TMPRSS15: variants seen among roughly 807,000 people sequenced by gnomAD.
The protein encoded by TMPRSS15 is enteropeptidase.
Under a neutral mutation model 125.3 loss-of-function variants are expected in TMPRSS15, and 128 were observed. That is an observed-to-expected ratio of 1.02 (90% CI 0.89 to 1.18). The LOEUF (loss-of-function observed/expected upper bound fraction) is 1.18, where lower values mean the gene tolerates loss of function less well. Ranked by LOEUF, TMPRSS15 falls within the 50% of genes most tolerant of loss-of-function variation. The pLI, the probability that TMPRSS15 is intolerant of heterozygous loss-of-function variation, is 0.00. For synonymous variants in TMPRSS15, 446 were observed against 423.2 expected (o/e 1.05, Z -0.66); for missense variants, 1,283 against 1,212.7 (o/e 1.06, Z -0.86).
chr21:18,422,363 GT>G (rs1419391441), intron 1 of TMPRSS15, among the ~76,000 whole-genome samples: 1 of 151,074 alleles, frequency 6.6e-6, no homozygotes, highest in Admixed American at 6.6e-5. Context: ...ACCTTCTTAT[GT>G]TTATTTAAAA....
At chr21:18,324,999 T>C (rs2075274823) in intron 16 of TMPRSS15, among the ~76,000 whole-genome samples, 1 of 152,164 alleles carries the variant, frequency 6.6e-6, no homozygotes, top group Non-Finnish European at 1.5e-5. Context: ...CAATTCAAGA[T>C]GACATTTTCA....
At chr21:18,472,182 A>G (rs1160190907) in intron 1 of TMPRSS15, among the ~76,000 whole-genome samples, 1 of 152,122 alleles carries the variant, frequency 6.6e-6, no homozygotes, top group Non-Finnish European at 1.5e-5. Flanking sequence ...TACACCTTTA[A>G]GAAGGATTAC....
chr21:18,378,869 T>C (rs905249945), intron 5 of TMPRSS15, among the ~76,000 whole-genome samples: 1 of 152,092 alleles, frequency 6.6e-6, no homozygotes, highest in Admixed American at 6.6e-5. Flanking sequence ...GCTACTTTGG[T>C]TCTGCTTTGG....
intron 18 of TMPRSS15, among the ~76,000 whole-genome samples, chr21:18,300,644 C>T (rs749950945): frequency 6.6e-6 from 1 of 152,056 alleles, no homozygotes; most frequent in African/African-American, 2.4e-5. Flanking sequence ...CACACCTGGC[C>T]AGATACATTA....
intron 2 of TMPRSS15, 94 bp downstream of exon 2, chr21:18,398,105 T>A (rs983336497): frequency 1.2e-5 from 17 of 1,474,894 alleles, no homozygotes; most frequent in Non-Finnish European, 1.5e-5. Flanking sequence ...GCATATTACA[T>A]TTATTCTCTA....
chr21:18,311,558 A>T (rs557386215), intron 18 of TMPRSS15, among the ~76,000 whole-genome samples: 2 of 152,276 alleles, frequency 1.3e-5, no homozygotes, highest in South Asian at 4.1e-4. Flanking sequence ...CCCCTGTTAT[A>T]ATAGCTTTTA....
In TMPRSS15 at chr21:18,299,812, C is replaced by T. The variant is rs1393766965; in HGVS notation, c.2166-1983G>A. On this transcript the variant is annotated intron_variant, in intron 18 of 24. Coordinates refer to ENST00000284885, the MANE Select transcript of TMPRSS15 (RefSeq NM_002772.3). Reference sequence around the variant, plus strand: ...TCCAAAGGCAAATTCTCCACCCTCACTCGAGGCCGACTTAGCCAGTAGTCT... The same window carrying T: ...TCCAAAGGCAAATTCTCCACCCTCATTCGAGGCCGACTTAGCCAGTAGTCT... Among the ~76,000 whole-genome samples, 4 of 152,202 alleles carry T rather than the reference C, an allele frequency of 2.6e-5. 1 individual carries two copies. The highest frequency in any genetic ancestry group is 5.9e-5 in the Non-Finnish European group (4 of 68,022).
At chr21:18,270,865 G>C (rs138903221) in intron 24 of TMPRSS15, among the ~76,000 whole-genome samples, 10 of 152,178 alleles carry the variant, frequency 6.6e-5, no homozygotes, top group Non-Finnish European at 1.0e-4. Context: ...AAATTGACAA[G>C]TATTTTTCCT....
Position 18,291,120 on chromosome 21 carries a change from A to G in TMPRSS15, c.2486+3150T>C, listed in dbSNP as rs573321760. Reference sequence around the variant, plus strand: ...TGCATGAATCGCAGTAGGCAAAAGCATTGCAGCATCTTATTGTTGTCCTGA... The same window carrying G: ...TGCATGAATCGCAGTAGGCAAAAGCGTTGCAGCATCTTATTGTTGTCCTGA... On this transcript the variant is annotated intron_variant, in intron 21 of 24. Transcript: ENST00000284885. Among the ~76,000 whole-genome samples the G allele has an allele frequency of 1.1e-4, 17 of 152,346 alleles. No individual in the cohort carries two copies. In the East Asian group the frequency reaches 1.3e-3, roughly 12 times the overall value.
intron 19 of TMPRSS15, among the ~76,000 whole-genome samples, chr21:18,297,295 G>A (rs1360151948): frequency 3.3e-5 from 5 of 152,126 alleles, no homozygotes; most frequent in Non-Finnish European, 7.4e-5. Context: ...TATTTGCCAA[G>A]GAAGAGAAAA....
At chr21:18,281,531 C>G (rs1225883870) in intron 21 of TMPRSS15, among the ~76,000 whole-genome samples, 1 of 152,136 alleles carries the variant, frequency 6.6e-6, no homozygotes, top group Non-Finnish European at 1.5e-5. Context: ...AATGCTGACA[C>G]CTACTTCCCC....
At chr21:18,392,327 A>T (rs1051936240) in intron 3 of TMPRSS15, among the ~76,000 whole-genome samples, 1 of 152,182 alleles carries the variant, frequency 6.6e-6, no homozygotes, top group Non-Finnish European at 1.5e-5. Flanking sequence ...CTCCTGCCAG[A>T]TACCTTAAAT....
At chr21:18,426,263 A>T (rs2076202443) in intron 1 of TMPRSS15, among the ~76,000 whole-genome samples, 1 of 152,290 alleles carries the variant, frequency 6.6e-6, no homozygotes, top group African/African-American at 2.4e-5. Flanking sequence ...CTTTTTATGC[A>T]AAATACCAAG....
intron 16 of TMPRSS15, among the ~76,000 whole-genome samples, chr21:18,325,529 G>A (rs1401217940): frequency 6.6e-6 from 1 of 151,890 alleles, no homozygotes; most frequent in African/African-American, 2.4e-5. Flanking sequence ...TAGATAATAG[G>A]CCAGATGAAG....
chr21:18,467,238 C>T (rs1222972266), intron 1 of TMPRSS15, among the ~76,000 whole-genome samples: 1 of 152,032 alleles, frequency 6.6e-6, no homozygotes, highest in Non-Finnish European at 1.5e-5. Context: ...AGGGGAACAT[C>T]ACACGCCAGG....
chr21:18,281,211 C>A lies in TMPRSS15; in HGVS notation c.2497G>T (p.Glu833Ter). ...AGGATTGCTGTCCACTTGGATGGCT[C>A]TAAGTTTCTCCTGAAAATTGTAATG... ...AAHCVYGRNLEPSKWTAILGL... is the reference protein window; with the variant it reads ...AAHCVYGRNL The change falls in exon 22 of 25, where the codon GAG (glutamate) becomes TAG (stop). Residue 833 changes from glutamate (E) to a stop codon, truncating the protein, a stop_gained. Coordinates refer to ENST00000284885, the MANE Select transcript of TMPRSS15 (RefSeq NM_002772.3). LOFTEE classifies it high-confidence loss of function. 1 of 1,613,872 alleles carries A rather than the reference C, an allele frequency of 6.2e-7. No homozygotes were observed. The highest frequency in any genetic ancestry group is 8.5e-7 in the Non-Finnish European group (1 of 1,179,958).
chr21:18,284,621 A>G (rs921285249), intron 21 of TMPRSS15, among the ~76,000 whole-genome samples: 2 of 152,220 alleles, frequency 1.3e-5, no homozygotes, highest in African/African-American at 4.8e-5. Context: ...TAGTAAAGGA[A>G]GGAAGAGCTA....
intron 22 of TMPRSS15, among the ~76,000 whole-genome samples, chr21:18,279,477 C>T (rs1357277577): frequency 1.3e-5 from 2 of 150,926 alleles, no homozygotes; most frequent in Non-Finnish European, 3.0e-5. Context: ...AGGCGCCCGC[C>T]ACCACGCCTG....
At chr21:18,473,177 T>G (rs1447367265) in intron 1 of TMPRSS15, among the ~76,000 whole-genome samples, 4 of 152,066 alleles carry the variant, frequency 2.6e-5, no homozygotes, top group Admixed American at 2.6e-4. Context: ...CTGGGATGGA[T>G]TTTTCAAAGT....
Sources: gnomAD v4.1 joint callset for allele counts (sites outside exome capture counted in the v4.1 genomes callset) on GRCh38, gnomAD v4.1.1 for gene constraint, MANE v1.5 for transcripts, NCBI Gene and HGNC (gene_info 2026-07-23, HGNC 2026-07-21) for gene names.